CCDC62: variants seen among roughly 807,000 people sequenced by gnomAD.
CCDC62 encodes coiled-coil domain-containing protein 62.
Under a neutral mutation model 80.8 loss-of-function variants are expected in CCDC62, and 72 were observed. The observed-to-expected ratio is 0.89, with a 90% CI of 0.74 to 1.08. The LOEUF is 1.08. Among genes scored for constraint, CCDC62 ranks in the 50% least tolerant of loss-of-function variants. The pLI is 0.00. For synonymous variants in CCDC62, 286 were observed against 296.5 expected, an observed-to-expected ratio of 0.96 and a Z score of 0.36; for missense variants, 704 against 809.4, an observed-to-expected ratio of 0.87 and a Z score of 1.58.
At position 122,813,382 on chromosome 12, in the gene CCDC62, C is replaced by G. The variant is rs143536297; in HGVS notation, c.1964C>G (p.Pro655Arg). The change falls in exon 11 of 13, where the codon CCC (proline) becomes CGC (arginine). Residue 655 changes from proline to arginine, a missense_variant. Pro to Arg is a moderately radical substitution (Grantham distance 103). Transcript: ENST00000253079. ...VTDLELSTLL[P>R]ISHENLTGSA... The stretch of plus-strand genomic sequence containing the variant: ...GACCTGGAGCTGAGCACACTGCTGC[C>G]CATCAGCCATGAGAATCTCACTGGC... The G allele has an allele frequency of 1.2e-6, 2 of 1,613,334 alleles. No individual in the cohort carries two copies. Among genetic ancestry groups the G allele is most frequent in the African/African-American group, 2.7e-5 (2 of 75,024 alleles).
chr12:122,778,354 A>T (rs201926292), intron 2 of CCDC62, among the ~76,000 whole-genome samples: 2 of 41,434 alleles, frequency 4.8e-5, no homozygotes, highest in African/African-American at 4.5e-4. Flanking sequence ...ACCCTGTCCC[A>T]AAAAAAAAAA....
intron 11 of CCDC62, among the ~76,000 whole-genome samples, chr12:122,822,277 C>T (rs573952702): frequency 6.6e-6 from 1 of 151,802 alleles, no homozygotes; most frequent in Admixed American, 6.6e-5. Flanking sequence ...AGCTAATTTT[C>T]GTCTTTTTAG....
rs750420995 is a variant in CCDC62 at position 122,812,777 on chromosome 12, G to GAGAGAGAA, written c.1852-490_1852-489insGAGAAAGA. Among the ~76,000 whole-genome samples, 157 of 57,780 alleles carry GAGAGAGAA rather than the reference G, an allele frequency of 2.7e-3. 2 individuals are homozygous for GAGAGAGAA. Among genetic ancestry groups the GAGAGAGAA allele is most frequent in the African/African-American group, 0.012 (149 of 12,848 alleles). 37.9% of individuals were successfully genotyped at this position (57,780 alleles called of 152,430 possible). ...GGAGGGAGAGAGAGAGAGAGAGAGA[G>GAGAGAGAA]AGAAAGAAAGAAAGAAAGAAAGAAA... is the stretch of plus-strand genomic sequence containing the variant. On this transcript the variant is annotated intron_variant, in intron 10 of 12. Coordinates refer to ENST00000253079, the MANE Select transcript of CCDC62 (RefSeq NM_201435.5).
chr12:122,801,548 C>G lies in CCDC62; in HGVS notation c.1402C>G (p.Leu468Val). 6.2e-7 allele frequency: 1 copy of G among 1,614,104 alleles called. No individual in the cohort carries two copies. Among genetic ancestry groups the G allele is most frequent in the Non-Finnish European group, 8.5e-7 (1 of 1,180,012 alleles). ...EKQWHDVSVY[L>V]GLTNCPSSKH... ...GCAGTGGCATGATGTCAGTGTTTAC[C>G]TGGGCCTGACCAACTGTCCAAGTTC... Residue 468 changes from leucine to valine, a missense_variant, in exon 9 of 13, where the codon CTG (leucine) becomes GTG (valine). By Grantham distance (32) the Leu-to-Val change is conservative. Transcript: ENST00000253079.
chr12:122,777,282 CAG>C (rs747699967), intron 1 of CCDC62: 96 of 498,144 alleles, frequency 1.9e-4, no homozygotes, highest in Non-Finnish European at 3.4e-4. Flanking sequence ...TATGGCATGA[CAG>C]AAAATTGTAG....
intron 5 of CCDC62, among the ~76,000 whole-genome samples, chr12:122,790,239 C>T (rs71456775): frequency 6.6e-6 from 1 of 152,004 alleles, no homozygotes; most frequent in African/African-American, 2.4e-5. Flanking sequence ...TTAGTAGAGA[C>T]AGGGTTTCAT....
chr12:122,793,163 T>C (rs2030732988), intron 6 of CCDC62, among the ~76,000 whole-genome samples: 1 of 152,146 alleles, frequency 6.6e-6, no homozygotes, highest in African/African-American at 2.4e-5. Context: ...TTATAATAAA[T>C]TGTTGAATAT....
At chr12:122,815,533 G>A (rs1285672509) in intron 11 of CCDC62, among the ~76,000 whole-genome samples, 3 of 150,946 alleles carry the variant, frequency 2.0e-5, no homozygotes, top group East Asian at 2.0e-4. Context: ...TGCAAGCTCC[G>A]CCTCCCGGGT....
intron 3 of CCDC62, among the ~76,000 whole-genome samples, chr12:122,782,121 G>A (rs1022239606): frequency 1.3e-5 from 2 of 151,818 alleles, no homozygotes; most frequent in African/African-American, 4.8e-5. Flanking sequence ...CATTGCTTGG[G>A]CCCAGGAGTC....
At chr12:122,792,825 T>A (rs1196250629) in intron 6 of CCDC62, among the ~76,000 whole-genome samples, 1 of 152,136 alleles carries the variant, frequency 6.6e-6, no homozygotes, top group Admixed American at 6.6e-5. Context: ...GCCTTTTTGT[T>A]TGTTTTTAAC....
At chr12:122,775,319 C>T (rs1188527937) in intron 1 of CCDC62, among the ~76,000 whole-genome samples, 2 of 152,098 alleles carry the variant, frequency 1.3e-5, no homozygotes, top group Admixed American at 6.6e-5. Flanking sequence ...GGAAGGAGCT[C>T]TCACAACTCC....
chr12:122,805,688 G>T (rs2135567626), intron 9 of CCDC62, among the ~76,000 whole-genome samples: 1 of 151,856 alleles, frequency 6.6e-6, no homozygotes, highest in East Asian at 1.9e-4. Flanking sequence ...CTAATTTTTT[G>T]TATTTTTAGT....
At position 122,818,181 on chromosome 12, in the gene CCDC62, G is replaced by A. The variant is rs554234706; in HGVS notation, c.2001+4762G>A. Among the ~76,000 whole-genome samples, 14 of 151,560 alleles carry A rather than the reference G, an allele frequency of 9.2e-5. 1 individual carries two copies. The East Asian group carries it at 1.6e-3, about 17-fold the overall frequency. On this transcript the variant is annotated intron_variant, in intron 11 of 12. Transcript: ENST00000253079. The stretch of plus-strand genomic sequence containing the variant: ...AAATTAGCTGGATGTGGCCAGGCGC[G>A]GTGGCTCACGCCTGTAATCCCAGCA...
In CCDC62 at chr12:122,826,715, G is replaced by A; in HGVS notation, c.*334G>A. Reference sequence around the variant, plus strand: ...AGATACGGACTACAGTTAAATGCTAGAGAAGCTCTTTAAAAATGTGAATGT... The same window carrying A: ...AGATACGGACTACAGTTAAATGCTAAAGAAGCTCTTTAAAAATGTGAATGT... On this transcript the variant is annotated 3_prime_UTR_variant, in exon 13 of 13. Transcript: ENST00000253079. 2 of 348,398 alleles carry A rather than the reference G, an allele frequency of 5.7e-6. No homozygotes were observed. The highest frequency in any genetic ancestry group is 1.0e-5 in the Non-Finnish European group (2 of 195,764). 21.6% of individuals were successfully genotyped at this position (348,398 alleles called of 1,614,324 possible).
In CCDC62 at chr12:122,826,934, T is replaced by C. The variant is rs1370840084; in HGVS notation, c.*553T>C. The C allele has an allele frequency of 6.5e-6, 1 of 152,694 alleles. No individual in the cohort carries two copies. Among genetic ancestry groups the C allele is most frequent in the Non-Finnish European group, 1.5e-5 (1 of 68,406 alleles). The allele number at this position is 152,694 out of a possible 1,614,324, so 9.5% of individuals were successfully genotyped here. A position where few individuals can be genotyped will look rare whatever the true frequency, so the allele number is the denominator to read the frequency against. Reference sequence around the variant, plus strand: ...ACATAAGGTGCTTTGATATAAAATATAAAATGTAACTGGAAAATAGCTCGA... The same window carrying C: ...ACATAAGGTGCTTTGATATAAAATACAAAATGTAACTGGAAAATAGCTCGA... On this transcript the variant is annotated 3_prime_UTR_variant, in exon 13 of 13. Transcript: ENST00000253079.
intron 1 of CCDC62, 80 bp downstream of exon 1, chr12:122,774,786 T>C (rs1593771311): frequency 3.0e-5 from 33 of 1,105,724 alleles, no homozygotes; most frequent in Admixed American, 4.3e-5. Flanking sequence ...TCAAGAACGG[T>C]GTCTACTTAA....
At chr12:122,798,261 C>A in intron 8 of CCDC62, 61 bp downstream of exon 8, 1 of 849,264 alleles carries the variant, frequency 1.2e-6, no homozygotes, top group Non-Finnish European at 2.0e-6. Context: ...CCAGTATTTA[C>A]TGCGCACTTA....
rs1260188419 is a variant in CCDC62 at position 122,777,631 on chromosome 12, A to G, written c.177A>G (p.Glu59=). 13 of 1,614,048 alleles carry G rather than the reference A, an allele frequency of 8.1e-6. No homozygotes were observed. The highest frequency in any genetic ancestry group is 1.1e-5 in the South Asian group (1 of 91,086). The change falls in exon 2 of 13, where the codon GAA becomes GAG. Residue 59 remains glutamate, a synonymous_variant. Transcript: ENST00000253079. ...AVHQQQLLSW[E]EDRQKVLTLE... ...ACCAGCAACAGCTTCTTTCATGGGA[A>G]GAGGATCGGCAGAAAGTGTTGACAC...
chr12:122,788,025 T>G (rs1206971567), intron 4 of CCDC62, among the ~76,000 whole-genome samples: 1 of 152,138 alleles, frequency 6.6e-6, no homozygotes, highest in Non-Finnish European at 1.5e-5. Flanking sequence ...ATTCTATAAG[T>G]CCTAGTGTGA....
Sources: allele counts gnomAD v4.1 joint callset (sites outside exome capture counted in the v4.1 genomes callset), GRCh38; gene constraint gnomAD v4.1.1; transcripts MANE v1.5; gene names NCBI Gene and HGNC (gene_info 2026-07-23, HGNC 2026-07-21).